Variants in TP53INP1 observed in about 807,000 individuals in gnomAD.
TP53INP1 encodes tumor protein p53 inducible nuclear protein 1.
A neutral mutation model predicts 21.0 loss-of-function variants in TP53INP1; 12 were observed. That is an observed-to-expected ratio of 0.57 (90% CI 0.37 to 0.93). TP53INP1 has a LOEUF of 0.93. Ranked by LOEUF, TP53INP1 falls within the 40% of genes least tolerant of loss-of-function variation. The pLI is 0.01. For missense variants in TP53INP1, 274 were observed against 294.7 expected (o/e 0.93, Z 0.51); for synonymous variants, 91 against 94.8 (o/e 0.96, Z 0.23).
chr8:94,939,061 A>C (rs775858888), intron 3 of TP53INP1, among the ~76,000 whole-genome samples: 2 of 152,036 alleles, frequency 1.3e-5, no homozygotes, highest in East Asian at 1.9e-4. Flanking sequence ...TGTGGAAAAA[A>C]CCCACACATC....
chr8:94,939,163 A>T (rs1234187090), intron 3 of TP53INP1, among the ~76,000 whole-genome samples: 1 of 152,228 alleles, frequency 6.6e-6, no homozygotes, highest in Non-Finnish European at 1.5e-5. Context: ...TCAAGGTTAC[A>T]TCATTTGATG....
chr8:94,945,037 G>A (rs1257849511), intron 1 of TP53INP1, among the ~76,000 whole-genome samples: 1 of 152,136 alleles, frequency 6.6e-6, no homozygotes. Context: ...ATGAACACTT[G>A]AAATGTGACT....
At position 94,930,306 on chromosome 8, in the gene TP53INP1, T is replaced by C; in HGVS notation, c.*173A>G. On this transcript the variant is annotated 3_prime_UTR_variant, in exon 4 of 4. Coordinates refer to ENST00000342697, the MANE Select transcript of TP53INP1 (RefSeq NM_033285.4). Reference sequence around the variant, plus strand: ...AGTAAATGTTAAAGGCAAGGCATTATGTGATACACAGCATATAAATCTGAT... The same window carrying C: ...AGTAAATGTTAAAGGCAAGGCATTACGTGATACACAGCATATAAATCTGAT... The C allele has an allele frequency of 2.4e-6, 2 of 833,204 alleles. No individual in the cohort carries two copies. Among genetic ancestry groups the C allele is most frequent in the Non-Finnish European group, 3.7e-6 (2 of 543,590 alleles). The allele number at this position is 833,204 out of a possible 1,614,324, so 51.6% of individuals were successfully genotyped here. A position where few individuals can be genotyped will look rare whatever the true frequency, so the allele number is the denominator to read the frequency against.
At chr8:94,948,515 G>GGGACAGGCCGC (rs1298841765) in intron 1 of TP53INP1, among the ~76,000 whole-genome samples, 4 of 152,226 alleles carry the variant, frequency 2.6e-5, no homozygotes, top group Non-Finnish European at 5.9e-5. Context: ...GGTCAAGCAA[G>GGGACAGGCCGC]GGACAGGCCG....
At chr8:94,935,553 A>T (rs534117038) in intron 3 of TP53INP1, among the ~76,000 whole-genome samples, 1 of 152,366 alleles carries the variant, frequency 6.6e-6, no homozygotes, top group South Asian at 2.1e-4. Flanking sequence ...TAATCAAGAT[A>T]ATGACTGACA....
intron 2 of TP53INP1, among the ~76,000 whole-genome samples, chr8:94,940,445 CTG>C (rs60473555): frequency 0.028 from 4,212 of 150,380 alleles, 91 homozygotes; most frequent in African/African-American, 0.056. Flanking sequence ...CACAGAAATT[CTG>C]TGTGTGTGTG....
chr8:94,941,269 C>T (rs536761674), intron 1 of TP53INP1, among the ~76,000 whole-genome samples, 178 bp from the exon 2 acceptor site: 1 of 152,126 alleles, frequency 6.6e-6, no homozygotes, highest in Non-Finnish European at 1.5e-5. Flanking sequence ...TGTAAATACT[C>T]TTACTCAAAT....
intron 1 of TP53INP1, among the ~76,000 whole-genome samples, chr8:94,948,372 C>T (rs751773244): frequency 6.6e-6 from 1 of 152,150 alleles, no homozygotes. Flanking sequence ...AAAGCAAAGC[C>T]CCCAGCATAG....
rs1821046334 is a variant in TP53INP1, at chr8:94,937,030, G to GAC, written c.473+2829_473+2830insGT. The stretch of plus-strand genomic sequence containing the variant: ...TGGGGAGCTACAAAATGGGTCTTGA[G>GAC]AAGAAAAGACAGTCTCTGGAGTGGG... On this transcript the variant is annotated intron_variant, in intron 3 of 3. Coordinates refer to ENST00000342697, the MANE Select transcript of TP53INP1 (RefSeq NM_033285.4). 2.6e-5 allele frequency among the ~76,000 whole-genome samples: 4 copies of GAC among 152,186 alleles called. No individual in the cohort carries two copies. The South Asian group carries it at 8.3e-4, about 32-fold the overall frequency.
At chr8:94,937,071 G>A (rs768200938) in intron 3 of TP53INP1, among the ~76,000 whole-genome samples, 10 of 152,110 alleles carry the variant, frequency 6.6e-5, no homozygotes, top group Non-Finnish European at 1.3e-4. Context: ...CTTAACCAAT[G>A]GAAGATGCAA....
At chr8:94,947,038 G>T (rs1822080667) in intron 1 of TP53INP1, among the ~76,000 whole-genome samples, 1 of 152,134 alleles carries the variant, frequency 6.6e-6, no homozygotes, top group South Asian at 2.1e-4. Context: ...ACGGGGCCTT[G>T]AAGTACTTAT....
intron 1 of TP53INP1, among the ~76,000 whole-genome samples, chr8:94,943,501 T>C (rs1368400270): frequency 1.3e-5 from 2 of 152,044 alleles, no homozygotes; most frequent in Non-Finnish European, 2.9e-5. Context: ...AAAAGTTATA[T>C]ATATGTATGA....
intron 3 of TP53INP1, among the ~76,000 whole-genome samples, chr8:94,936,025 T>C (rs1009049803): frequency 6.6e-6 from 1 of 152,196 alleles, no homozygotes. Flanking sequence ...ATCTGTCTGA[T>C]AGTCTTATGT....
chr8:94,937,893 T>C (rs1349462024), intron 3 of TP53INP1, among the ~76,000 whole-genome samples: 1 of 152,172 alleles, frequency 6.6e-6, no homozygotes, highest in Non-Finnish European at 1.5e-5. Flanking sequence ...CCTATCTGAA[T>C]GGGAGTGGAC....
intron 2 of TP53INP1, 83 bp from the exon 3 acceptor site, chr8:94,940,303 T>A: frequency 2.1e-6 from 3 of 1,460,702 alleles, no homozygotes; most frequent in South Asian, 2.7e-5. Flanking sequence ...GCAGTCATTA[T>A]AAAGTCACCC....
In TP53INP1 at chr8:94,930,422, C is replaced by A; in HGVS notation, c.*57G>T. The A allele has an allele frequency of 1.2e-6, 2 of 1,600,234 alleles. No individual in the cohort carries two copies. Among genetic ancestry groups the A allele is most frequent in the Middle Eastern group, 3.3e-4 (2 of 6,010 alleles). ...ACAACATTTTCACTGTACATATACA[C>A]ACATCCATACATGTAAGCACAAACC... On this transcript the variant is annotated 3_prime_UTR_variant, in exon 4 of 4. Coordinates refer to ENST00000342697, the MANE Select transcript of TP53INP1 (RefSeq NM_033285.4).
intron 3 of TP53INP1, among the ~76,000 whole-genome samples, chr8:94,933,400 A>G (rs187329085): frequency 1.3e-3 from 205 of 152,326 alleles, no homozygotes; most frequent in African/African-American, 4.7e-3. Context: ...AAGGAAGAAG[A>G]AGGAAGAAAG....
intron 3 of TP53INP1, among the ~76,000 whole-genome samples, chr8:94,934,796 A>G (rs970427351): frequency 6.6e-5 from 10 of 152,176 alleles, no homozygotes; most frequent in African/African-American, 2.4e-4. Context: ...GCAACTCCAC[A>G]AAGTTATATT....
At chr8:94,932,458 AT>A (rs1357511552) in intron 3 of TP53INP1, among the ~76,000 whole-genome samples, 1 of 152,242 alleles carries the variant, frequency 6.6e-6, no homozygotes, top group Non-Finnish European at 1.5e-5. Flanking sequence ...AGCTAGCCTA[AT>A]TTTGGTAACA....
Sources: gnomAD v4.1 joint callset for allele counts (sites outside exome capture counted in the v4.1 genomes callset) on GRCh38, gnomAD v4.1.1 for gene constraint, MANE v1.5 for transcripts, NCBI Gene and HGNC (gene_info 2026-07-23, HGNC 2026-07-21) for gene names.